Variants in CNTN5 observed in about 807,000 individuals in gnomAD.
CNTN5 encodes contactin-5.
Under a neutral mutation model 129.1 loss-of-function variants are expected in CNTN5, and 77 were observed. That is an observed-to-expected ratio of 0.60 (90% CI 0.50 to 0.72). The LOEUF (loss-of-function observed/expected upper bound fraction) is 0.72, where lower values mean the gene tolerates loss of function less well. CNTN5 is among the 30% of genes least tolerant of loss of function. The pLI, the probability that CNTN5 is intolerant of heterozygous loss-of-function variation, is 0.00. For synonymous variants in CNTN5, 509 were observed against 465.6 expected (o/e 1.09, Z -1.20); for missense variants, 1,478 against 1,328.8 (o/e 1.11, Z -1.75).
At chr11:100,045,133 C>CT (rs1942601177) in intron 9 of CNTN5, among the ~76,000 whole-genome samples, 1 of 150,108 alleles carries the variant, frequency 6.7e-6, no homozygotes, top group Non-Finnish European at 1.5e-5. Context: ...TTTTTCTATT[C>CT]ATTCTCGATT....
At chr11:99,744,938 G>T (rs193111740) in intron 3 of CNTN5, among the ~76,000 whole-genome samples, 2 of 152,200 alleles carry the variant, frequency 1.3e-5, no homozygotes, top group Admixed American at 6.5e-5. Flanking sequence ...GTTATTTTTA[G>T]CGTTCTATTC....
intron 2 of CNTN5, among the ~76,000 whole-genome samples, chr11:99,328,102 A>T (rs1865856264): frequency 6.6e-6 from 1 of 152,206 alleles, no homozygotes; most frequent in African/African-American, 2.4e-5. Context: ...AGGAAATCTA[A>T]TGTTCATCTT....
chr11:99,431,223 G>A (rs1427409350), intron 2 of CNTN5, among the ~76,000 whole-genome samples: 1 of 152,062 alleles, frequency 6.6e-6, no homozygotes, highest in Non-Finnish European at 1.5e-5. Flanking sequence ...CTTGTTGTCA[G>A]TCTTTACTTT....
intron 3 of CNTN5, among the ~76,000 whole-genome samples, chr11:99,740,905 A>G (rs1943868551): frequency 6.6e-6 from 1 of 152,094 alleles, no homozygotes; most frequent in African/African-American, 2.4e-5. Flanking sequence ...GTTAAATCTA[A>G]CTATCTGCTT....
At chr11:100,202,419 T>C (rs1056499492) in intron 15 of CNTN5, among the ~76,000 whole-genome samples, 5 of 151,874 alleles carry the variant, frequency 3.3e-5, no homozygotes, top group Admixed American at 2.0e-4. Flanking sequence ...GTTTATATTA[T>C]GATTATGTGG....
chr11:99,359,628 T>TGA (rs1938961085), intron 2 of CNTN5, among the ~76,000 whole-genome samples: 1 of 140,592 alleles, frequency 7.1e-6, no homozygotes, highest in African/African-American at 3.1e-5. Context: ...TATTTATTTA[T>TGA]ATAAATATAT....
chr11:100,078,532 G>T (rs147003303), intron 13 of CNTN5, among the ~76,000 whole-genome samples: 2 of 152,044 alleles, frequency 1.3e-5, no homozygotes, highest in African/African-American at 2.4e-5. Flanking sequence ...TTATGAGTTC[G>T]TAGCGTTTAT....
At chr11:100,047,065 A>T (rs1404118935) in intron 9 of CNTN5, among the ~76,000 whole-genome samples, 1 of 152,204 alleles carries the variant, frequency 6.6e-6, no homozygotes, top group Non-Finnish European at 1.5e-5. Context: ...AACAACTTCC[A>T]GACATCTGCA....
intron 3 of CNTN5, among the ~76,000 whole-genome samples, chr11:99,702,498 A>T (rs972433516): frequency 6.6e-6 from 1 of 151,010 alleles, no homozygotes; most frequent in Non-Finnish European, 1.5e-5. Flanking sequence ...CACTAGACAT[A>T]GGATTAAAAT....
chr11:99,225,750 G>T lies in CNTN5; in HGVS notation c.-209-99596G>T, dbSNP rs1187980762. Among the ~76,000 whole-genome samples, 3 of 152,022 alleles carry T rather than the reference G, an allele frequency of 2.0e-5. No individual in the cohort carries two copies. The East Asian group carries it at 5.8e-4, about 29-fold the overall frequency. On this transcript the variant is annotated intron_variant, in intron 1 of 24. Coordinates refer to ENST00000524871, the MANE Select transcript of CNTN5 (RefSeq NM_014361.4). ...AATGATATTTTTCTTTTATATACAT[G>T]GTTGAAAATATAGATGAAATATAGC...
chr11:100,111,056 G>A (rs999530754), intron 13 of CNTN5, among the ~76,000 whole-genome samples: 5 of 151,604 alleles, frequency 3.3e-5, no homozygotes, highest in African/African-American at 4.8e-5. Context: ...AAATTTTTCT[G>A]TACCAGAACA....
chr11:99,062,594 G>A (rs955557878), intron 1 of CNTN5, among the ~76,000 whole-genome samples: 2 of 152,116 alleles, frequency 1.3e-5, no homozygotes, highest in East Asian at 1.9e-4. Flanking sequence ...TAAGGGTAGA[G>A]TGAAGGGGAT....
intron 13 of CNTN5, among the ~76,000 whole-genome samples, chr11:100,089,014 C>T (rs931203659): frequency 2.1e-4 from 32 of 152,036 alleles, no homozygotes; most frequent in African/African-American, 6.3e-4. Flanking sequence ...TCTAAAGGCA[C>T]GTCAAAAAGC....
At chr11:99,790,204 G>C (rs898717677) in intron 3 of CNTN5, among the ~76,000 whole-genome samples, 2 of 151,982 alleles carry the variant, frequency 1.3e-5, no homozygotes, top group African/African-American at 4.8e-5. Context: ...TTTAGGTTCA[G>C]GGGTACATGT....
chr11:99,554,817 A>T (rs1034266967), intron 2 of CNTN5, among the ~76,000 whole-genome samples: 4 of 152,062 alleles, frequency 2.6e-5, no homozygotes, highest in African/African-American at 9.7e-5. Flanking sequence ...CTTTCTGGTA[A>T]AAAGCAGTGT....
chr11:99,914,322 A>G (rs1949734475), intron 6 of CNTN5, among the ~76,000 whole-genome samples: 1 of 152,120 alleles, frequency 6.6e-6, no homozygotes, highest in South Asian at 2.1e-4. Flanking sequence ...GTCAAATTAG[A>G]AATCTTGCCA....
rs146149453 is a variant in CNTN5 at position 99,766,007 on chromosome 11, C to G, written c.56-53537C>G. ...TTACTCTAAATAATTTTACTAGCATCTTGAATATCATCTGTGATTAGAGAA... is the reference window on the plus strand; with the variant it reads ...TTACTCTAAATAATTTTACTAGCATGTTGAATATCATCTGTGATTAGAGAA... On this transcript the variant is annotated intron_variant, in intron 3 of 24. Coordinates refer to ENST00000524871, the MANE Select transcript of CNTN5 (RefSeq NM_014361.4). Among the ~76,000 whole-genome samples, 358 of 152,088 alleles carry G rather than the reference C, an allele frequency of 2.4e-3. 3 individuals carry two copies. The highest frequency in any genetic ancestry group is 8.4e-3 in the African/African-American group (347 of 41,546).
chr11:100,178,218 G>A (rs901820719), intron 13 of CNTN5, among the ~76,000 whole-genome samples: 1 of 151,998 alleles, frequency 6.6e-6, no homozygotes. Flanking sequence ...CTCTCCAAAC[G>A]TTATTAACTC....
intron 8 of CNTN5, among the ~76,000 whole-genome samples, chr11:99,977,139 G>T (rs745679874): frequency 6.6e-6 from 1 of 152,160 alleles, no homozygotes; most frequent in Non-Finnish European, 1.5e-5. Flanking sequence ...AATACCACCA[G>T]TCTCCTTGCT....
Sources: allele counts gnomAD v4.1 joint callset (sites outside exome capture counted in the v4.1 genomes callset), GRCh38; gene constraint gnomAD v4.1.1; transcripts MANE v1.5; gene names NCBI Gene and HGNC (gene_info 2026-07-23, HGNC 2026-07-21).